The following PPIE variants were observed in gnomAD, a reference collection of about 807,000 sequenced individuals.
The protein encoded by PPIE is peptidylprolyl isomerase E.
PPIE carries 20 observed loss-of-function variants against 38.4 expected under a neutral mutation model. The ratio of observed to expected loss-of-function variants is 0.52; its 90% CI spans 0.37 to 0.76. The LOEUF (loss-of-function observed/expected upper bound fraction) is 0.76. Among genes scored for constraint, PPIE ranks in the 30% least tolerant of loss-of-function variants. PPIE has a pLI of 0.00. For missense variants in PPIE, 322 were observed against 385.8 expected (o/e 0.83, Z 1.39); for synonymous variants, 142 against 135.7 (o/e 1.05, Z -0.32).
chr1:39,739,450 TG>T (rs1647004177), intron 1 of PPIE, among the ~76,000 whole-genome samples: 1 of 135,464 alleles, frequency 7.4e-6, no homozygotes, highest in African/African-American at 2.5e-5. Context: ...CCCCAGCCCC[TG>T]CCATAAAGGA....
chr1:39,759,130 C>T (rs555295890), downstream of PPIE: 1 of 152,434 alleles, frequency 6.6e-6, no homozygotes, highest in East Asian at 1.9e-4. Context: ...CACTCCAACT[C>T]CCAGTGGCTG....
chr1:39,745,755 A>G (rs1475323028), intron 7 of PPIE: 2 of 440,796 alleles, frequency 4.5e-6, no homozygotes, highest in East Asian at 7.8e-5. Flanking sequence ...TTTAAAGAAT[A>G]GCATATACAT....
At chr1:39,748,602 G>A in intron 7 of PPIE, 1 of 345,224 alleles carries the variant, frequency 2.9e-6, no homozygotes, top group Non-Finnish European at 5.4e-6. Flanking sequence ...CAGGTGTATG[G>A]TACATGCCTG....
At chr1:39,743,176 C>A in intron 4 of PPIE, 40 bp from the exon 5 acceptor site, 1 of 1,568,572 alleles carries the variant, frequency 6.4e-7, no homozygotes, top group African/African-American at 1.4e-5. Flanking sequence ...CCTCTTTTAA[C>A]CTAAGAGAGT....
Position 39,741,379 on chromosome 1 carries a change from A to T in PPIE, c.144A>T (p.Gly48=). The part of the protein sequence containing the change: ...PLDYETEKHR[G]FAFVEFELAE... ...TCCATTTTGTAGAAAAGCACCGAGG[A>T]TTTGCTTTTGTTGAATTTGAGTTGG... Residue 48 remains glycine (G), a synonymous_variant, in exon 3 of 10, where the codon GGA becomes GGT. Transcript: ENST00000324379. 1 of 1,613,818 alleles carries T rather than the reference A, an allele frequency of 6.2e-7. No individual in the cohort carries two copies. Among genetic ancestry groups the T allele is most frequent in the Non-Finnish European group, 8.5e-7 (1 of 1,179,914 alleles).
In PPIE at chr1:39,763,059, C is replaced by T. The variant is rs1649231368; in HGVS notation, c.838-630C>T. ...CCCCTCTCCACAGGGCCCCCCACCC[C>T]AGGGGGCTGGGCAGGATGGGCATGG... On this transcript the variant is annotated intron_variant, in intron 9 of 9. Transcript: ENST00000356511. The T allele has an allele frequency of 5.0e-6, 8 of 1,608,642 alleles. 1 individual carries two copies. In the East Asian group the frequency reaches 1.8e-4, roughly 36 times the overall value.
intron 8 of PPIE, among the ~76,000 whole-genome samples, chr1:39,750,572 G>C (rs1473835589): frequency 6.6e-6 from 1 of 152,200 alleles, no homozygotes; most frequent in African/African-American, 2.4e-5. Flanking sequence ...ATCAGTGCTC[G>C]TGAAGTTTCA....
At position 39,753,031 on chromosome 1, in the gene PPIE, A is replaced by G; in HGVS notation, c.816A>G (p.Leu272=). The change falls in exon 9 of 10, where the codon CTA becomes CTG. Residue 272 remains leucine (L), a synonymous_variant. Coordinates refer to ENST00000324379, the MANE Select transcript of PPIE (RefSeq NM_006112.4). ...TGTTTGGAGAGGTCACCGAAGGCCT[A>G]GATGTCTTGCGGCAAATTGAGGTAT... ...HVVFGEVTEG[L]DVLRQIEAQG... is the part of the protein sequence containing the mutation. 3 of 1,614,198 alleles carry G rather than the reference A, an allele frequency of 1.9e-6. No individual in the cohort carries two copies. Among genetic ancestry groups the G allele is most frequent in the Non-Finnish European group, 2.5e-6 (3 of 1,180,022 alleles).
intron 7 of PPIE, chr1:39,747,723 C>T (rs1647290306): frequency 6.6e-6 from 1 of 152,112 alleles, no homozygotes; most frequent in South Asian, 2.1e-4. Context: ...GCCTCGGCCT[C>T]CCATAGTGCT....
chr1:39,740,079 C>A (rs1647020047), intron 1 of PPIE, 86 bp from the exon 2 acceptor site: 1 of 995,556 alleles, frequency 1.0e-6, no homozygotes, highest in Non-Finnish European at 1.6e-6. Context: ...GGGTCCTGTC[C>A]CCTGGCTAGC....
rs1647054488 is a variant in PPIE, at chr1:39,741,398, G to T, written c.163G>T (p.Glu55Ter). 6.2e-7 allele frequency: 1 copy of T among 1,613,948 alleles called. No homozygotes were observed. Among genetic ancestry groups the T allele is most frequent in the Non-Finnish European group, 8.5e-7 (1 of 1,179,972 alleles). Residue 55 changes from glutamate (E) to a stop codon, truncating the protein, a stop_gained, in exon 3 of 10, where the codon GAG becomes TAG. Transcript: ENST00000324379. LOFTEE classifies it high-confidence loss of function. ...CCGAGGATTTGCTTTTGTTGAATTTGAGTTGGCAGAGGTGAGAGTCTGTGT... is the reference window on the plus strand; with the variant it reads ...CCGAGGATTTGCTTTTGTTGAATTTTAGTTGGCAGAGGTGAGAGTCTGTGT... ...KHRGFAFVEF[E>*]LAEDAAAAID...
chr1:39,763,700 G>A, exon 10 of PPIE: 4 of 1,593,370 alleles, frequency 2.5e-6, no homozygotes, highest in Non-Finnish European at 3.4e-6. Flanking sequence ...AACAAGAAGA[G>A]TCAGCAATTA....
chr1:39,752,812 G>A, intron 8 of PPIE, 98 bp from the exon 9 acceptor site: 1 of 1,462,198 alleles, frequency 6.8e-7, no homozygotes, highest in African/African-American at 1.4e-5. Flanking sequence ...CCCCGAGTCT[G>A]AGCCTGACTG....
intron 8 of PPIE, among the ~76,000 whole-genome samples, chr1:39,749,477 A>G (rs768805179): frequency 2.6e-5 from 4 of 151,772 alleles, no homozygotes; most frequent in Non-Finnish European, 5.9e-5. Flanking sequence ...GAAATTTATA[A>G]CTATAGTTCT....
chr1:39,750,902 A>G (rs1356166462), intron 8 of PPIE, among the ~76,000 whole-genome samples: 2 of 152,236 alleles, frequency 1.3e-5, no homozygotes, highest in African/African-American at 2.4e-5. Context: ...ACTGACCCAC[A>G]TCGTTATTTT....
Position 39,755,699 on chromosome 1 carries a change from C to G in PPIE, c.*2344C>G. 1.0e-6 allele frequency: 1 copy of G among 985,412 alleles called. No homozygotes were observed. Among genetic ancestry groups the G allele is most frequent in the Non-Finnish European group, 1.2e-6 (1 of 829,916 alleles). 61.0% of individuals were successfully genotyped at this position (985,412 alleles called of 1,614,324 possible). On this transcript the variant is annotated 3_prime_UTR_variant, in exon 10 of 10. Transcript: ENST00000324379. ...TGTCACTCTGTTCCTCCCTGATACT[C>G]TGGGGAGGTGGAGGCCAGTGGGCAG...
At chr1:39,757,970 C>T (rs974292729), downstream of PPIE, 1 of 152,208 alleles carries the variant, frequency 6.6e-6, no homozygotes, top group African/African-American at 2.4e-5. Flanking sequence ...AGGAGGATCA[C>T]GGCTCGTATT....
chr1:39,746,679 C>T (rs182374418), intron 7 of PPIE: 3 of 152,286 alleles, frequency 2.0e-5, no homozygotes, highest in East Asian at 3.9e-4. Flanking sequence ...TTACCTGCAC[C>T]CTTTCCTCTG....
rs1647973492 is a variant in PPIE, at chr1:39,753,478, C to G, written c.*123C>G. Reference sequence around the variant, plus strand: ...AAGCAAGCAGCATTTGGGATATGTGCCCTTCCTCAGGGTCTGCTTGGAGCA... The same window carrying G: ...AAGCAAGCAGCATTTGGGATATGTGGCCTTCCTCAGGGTCTGCTTGGAGCA... On this transcript the variant is annotated 3_prime_UTR_variant, in exon 10 of 10. Transcript: ENST00000324379. The G allele has an allele frequency of 6.7e-7, 1 of 1,494,214 alleles. No individual in the cohort carries two copies. Among genetic ancestry groups the G allele is most frequent in the South Asian group, 1.3e-5 (1 of 74,622 alleles). 92.6% of individuals were successfully genotyped at this position (1,494,214 alleles called of 1,614,324 possible).
Sources: allele counts gnomAD v4.1 joint callset (sites outside exome capture counted in the v4.1 genomes callset), GRCh38; gene constraint gnomAD v4.1.1; transcripts MANE v1.5; gene names NCBI Gene and HGNC (gene_info 2026-07-23, HGNC 2026-07-21).